ASTN2: variants seen among roughly 807,000 people sequenced by gnomAD.
The protein encoded by ASTN2 is astrotactin 2.
Under a neutral mutation model 139.8 loss-of-function variants are expected in ASTN2, and 54 were observed. The ratio of observed to expected loss-of-function variants is 0.39; its 90% CI spans 0.31 to 0.48. ASTN2 has a LOEUF of 0.48. ASTN2 is among the 20% of genes least tolerant of loss of function. The probability of loss-of-function intolerance (pLI) is 0.95; values close to 1 mark genes in which losing one functional copy is unlikely to be tolerated. For synonymous variants in ASTN2, 756 were observed against 719.5 expected (o/e 1.05, Z -0.81); for missense variants, 1,565 against 1,725.1 (o/e 0.91, Z 1.64).
At chr9:116,522,681 T>G (rs566755282) in intron 19 of ASTN2, among the ~76,000 whole-genome samples, 1 of 152,150 alleles carries the variant, frequency 6.6e-6, no homozygotes, top group Non-Finnish European at 1.5e-5. Context: ...CATAAACAAT[T>G]TTTTTAAAAG....
Position 116,699,665 on chromosome 9 carries a change from G to C in ASTN2, c.2806+26106C>G, listed in dbSNP as rs138735929. The C allele has an allele frequency of 6.2e-7, 1 of 1,614,192 alleles. No individual in the cohort carries two copies. Among genetic ancestry groups the C allele is most frequent in the Non-Finnish European group, 8.5e-7 (1 of 1,180,036 alleles). ...TGGACTGTTGGGATCATTGCATCAAGATCTACAGCTACCATCTGAGAAGAT... is the reference window on the plus strand; with the variant it reads ...TGGACTGTTGGGATCATTGCATCAACATCTACAGCTACCATCTGAGAAGAT... On this transcript the variant is annotated intron_variant, in intron 16 of 22. Coordinates refer to ENST00000313400, the MANE Select transcript of ASTN2 (RefSeq NM_001365068.1). The surrounding 1 kb of genome is among the most constrained non-coding windows in gnomAD (Gnocchi z 4.2).
At chr9:117,116,834 CAAAAAAAAAAAAAA>C (rs72075422) in intron 4 of ASTN2, among the ~76,000 whole-genome samples, 9 of 45,188 alleles carry the variant, frequency 2.0e-4, no homozygotes, top group South Asian at 2.9e-3. Flanking sequence ...TGGCATGAGC[CAAAAAAAAAAAAAA>C]AAAAAAAAAA....
chr9:116,498,567 C>A (rs937015902), intron 19 of ASTN2, among the ~76,000 whole-genome samples: 1 of 151,588 alleles, frequency 6.6e-6, no homozygotes. Context: ...CACTGCACTC[C>A]AGCCTGGGCA....
rs904946505 is a variant in ASTN2 at position 117,008,165 on chromosome 9, G to T, written c.1518C>A (p.Thr506=). Residue 506 remains threonine (T), a synonymous_variant, in exon 7 of 23, where the codon ACC becomes ACA. Coordinates refer to ENST00000313400, the MANE Select transcript of ASTN2 (RefSeq NM_001365068.1). ...CACAGAGGTCCCTCACCCATGGGGA[G>T]GTGGCATTGATCTGGTAATACAGGG... ...KLSLYYQINA[T]SPWVRDLCGQ... 1 of 1,611,470 alleles carries T rather than the reference G, an allele frequency of 6.2e-7. No individual in the cohort carries two copies. The highest frequency in any genetic ancestry group is 8.5e-7 in the Non-Finnish European group (1 of 1,178,834).
intron 10 of ASTN2, among the ~76,000 whole-genome samples, chr9:116,899,140 C>T (rs1833946045): frequency 6.6e-6 from 1 of 152,088 alleles, no homozygotes; most frequent in Non-Finnish European, 1.5e-5. Context: ...ATGAATATAC[C>T]ATTTTACCTG....
intron 10 of ASTN2, among the ~76,000 whole-genome samples, chr9:116,962,725 T>C (rs945331148): frequency 6.6e-6 from 1 of 152,190 alleles, no homozygotes; most frequent in African/African-American, 2.4e-5. Flanking sequence ...AACCCCAAAG[T>C]ACTAGTGTTA....
intron 17 of ASTN2, among the ~76,000 whole-genome samples, chr9:116,632,223 A>G: frequency 3.7e-5 from 5 of 135,670 alleles, no homozygotes; most frequent in South Asian, 2.8e-4. Context: ...GAAAGAAAGA[A>G]AGAAAGAAAG....
At chr9:117,305,424 C>T (rs1834975099) in intron 1 of ASTN2, among the ~76,000 whole-genome samples, 1 of 152,118 alleles carries the variant, frequency 6.6e-6, no homozygotes, top group Admixed American at 6.5e-5. Context: ...CTGAAATTCC[C>T]TGCTATTTTT....
intron 2 of ASTN2, among the ~76,000 whole-genome samples, chr9:117,278,977 G>A (rs1834261535): frequency 6.6e-6 from 1 of 152,198 alleles, no homozygotes; most frequent in Non-Finnish European, 1.5e-5. Context: ...CACCCTTTGA[G>A]ACCTAAAAGC....
chr9:117,144,500 T>C (rs1047393969), intron 3 of ASTN2, among the ~76,000 whole-genome samples: 1 of 151,876 alleles, frequency 6.6e-6, no homozygotes, highest in Admixed American at 6.6e-5. Flanking sequence ...CATTATGAGA[T>C]TTGAATTTCT....
rs192700618 is a variant in ASTN2, at chr9:117,012,132, G to A, written c.1424-3873C>T. ...AATCAGAGTTCCATGCTTGACTAGAGGGAAGTTCAATTCACTTCATCATGG... is the reference window on the plus strand; with the variant it reads ...AATCAGAGTTCCATGCTTGACTAGAAGGAAGTTCAATTCACTTCATCATGG... On this transcript the variant is annotated intron_variant, in intron 6 of 22. Coordinates refer to ENST00000313400, the MANE Select transcript of ASTN2 (RefSeq NM_001365068.1). Among the ~76,000 whole-genome samples the A allele has an allele frequency of 9.8e-4, 149 of 152,272 alleles. 1 individual carries two copies. The Middle Eastern group carries it at 0.01, about 10-fold the overall frequency.
At position 116,697,703 on chromosome 9, in the gene ASTN2, G is replaced by A. The variant is rs778601240; in HGVS notation, c.2806+28068C>T. On this transcript the variant is annotated intron_variant, in intron 16 of 22. Coordinates refer to ENST00000313400, the MANE Select transcript of ASTN2 (RefSeq NM_001365068.1). The stretch of plus-strand genomic sequence containing the variant: ...TAGGGCATGAATACTGTGCTGTTCA[G>A]TTCTGAGCTGTGCTAGCAATACCCT... 2.5e-6 allele frequency: 4 copies of A among 1,612,244 alleles called. No individual in the cohort carries two copies. The South Asian group carries it at 3.3e-5, about 13-fold the overall frequency.
intron 1 of ASTN2, among the ~76,000 whole-genome samples, chr9:117,318,082 T>G (rs1828204285): frequency 6.6e-6 from 1 of 152,196 alleles, no homozygotes; most frequent in South Asian, 2.1e-4. Flanking sequence ...AGAATGAAAC[T>G]GTAGGACAAG....
intron 16 of ASTN2, among the ~76,000 whole-genome samples, chr9:116,719,360 G>T (rs1828411221): frequency 1.3e-5 from 2 of 152,138 alleles, no homozygotes; most frequent in Non-Finnish European, 2.9e-5. Context: ...ACAGACAAAT[G>T]CAGCCAGGCT....
At chr9:116,444,820 C>T (rs1847937788) in intron 20 of ASTN2, among the ~76,000 whole-genome samples, 1 of 152,122 alleles carries the variant, frequency 6.6e-6, no homozygotes, top group Non-Finnish European at 1.5e-5. Context: ...TGATAGACTG[C>T]CACCCACCTC....
At chr9:116,710,189 A>T (rs775895542) in intron 16 of ASTN2, among the ~76,000 whole-genome samples, 28 of 152,118 alleles carry the variant, frequency 1.8e-4, no homozygotes, top group Non-Finnish European at 3.4e-4. Context: ...CTCACCTCCC[A>T]ATCCAAGCCA....
chr9:116,771,392 T>A (rs374708529), intron 13 of ASTN2, among the ~76,000 whole-genome samples: 3 of 152,284 alleles, frequency 2.0e-5, no homozygotes, highest in East Asian at 1.9e-4. Context: ...AATAAGGTGA[T>A]CCACATAAAG....
intron 1 of ASTN2, among the ~76,000 whole-genome samples, chr9:117,347,259 G>A (rs1829248051): frequency 6.6e-6 from 1 of 152,000 alleles, no homozygotes; most frequent in Non-Finnish European, 1.5e-5. Flanking sequence ...GTGGGCTTTT[G>A]GAGTGAGACA....
At chr9:116,703,053 C>T (rs2132083458) in intron 16 of ASTN2, among the ~76,000 whole-genome samples, 1 of 152,008 alleles carries the variant, frequency 6.6e-6, no homozygotes, top group Non-Finnish European at 1.5e-5. Flanking sequence ...GGAATCGCCA[C>T]ACTGACTTCC....
Sources: gnomAD v4.1 joint callset for allele counts (sites outside exome capture counted in the v4.1 genomes callset) on GRCh38, gnomAD v4.1.1 for gene constraint, Gnocchi (gnomAD v3.1) non-coding constraint, MANE v1.5 for transcripts, NCBI Gene and HGNC (gene_info 2026-07-23, HGNC 2026-07-21) for gene names.